Variants in SNX25 observed in about 807,000 individuals in gnomAD.
The protein encoded by SNX25 is sorting nexin-25.
Under a neutral mutation model 113.7 loss-of-function variants are expected in SNX25, and 62 were observed. The observed-to-expected ratio is 0.55, with a 90% CI of 0.44 to 0.67. SNX25 has a LOEUF of 0.67. Among genes scored for constraint, SNX25 ranks in the 30% least tolerant of loss-of-function variants. The pLI is 0.00. For synonymous variants in SNX25, 421 were observed against 436.2 expected (o/e 0.97, Z 0.43); for missense variants, 1,014 against 1,161.0 (o/e 0.87, Z 1.84).
rs570283122 is a variant in SNX25 at position 185,261,379 on chromosome 4, G to A, written c.731+2315G>A. 1.6e-4 allele frequency among the ~76,000 whole-genome samples: 24 copies of A among 152,158 alleles called. No individual in the cohort carries two copies. In the South Asian group the frequency reaches 4.8e-3, roughly 30 times the overall value. The stretch of plus-strand genomic sequence containing the variant: ...TTTAGTAGAGATGGGGTTTCACCAT[G>A]TTGGCCAGGCTGGTCTCGAACTCCT... On this transcript the variant is annotated intron_variant, in intron 3 of 18. Coordinates refer to ENST00000652585, the MANE Select transcript of SNX25 (RefSeq NM_001378034.2).
At chr4:185,292,126 AG>A (rs1752253639) in intron 6 of SNX25, among the ~76,000 whole-genome samples, 1 of 152,186 alleles carries the variant, frequency 6.6e-6, no homozygotes, top group East Asian at 1.9e-4. Flanking sequence ...GTTCAAAGTT[AG>A]AAAAAAACAC....
intron 13 of SNX25, among the ~76,000 whole-genome samples, chr4:185,347,810 C>G (rs1331483633): frequency 6.6e-6 from 1 of 152,170 alleles, no homozygotes; most frequent in Admixed American, 6.5e-5. Context: ...GCTGCTCATC[C>G]TTTCCATAAT....
At chr4:185,260,053 C>T (rs539028860) in intron 3 of SNX25, among the ~76,000 whole-genome samples, 16 of 152,200 alleles carry the variant, frequency 1.1e-4, no homozygotes, top group Admixed American at 7.2e-4. Flanking sequence ...AACTATGGCC[C>T]GCTGTGAGAA....
intron 6 of SNX25, among the ~76,000 whole-genome samples, chr4:185,289,338 C>T (rs149831675): frequency 1.4e-4 from 22 of 152,162 alleles, no homozygotes; most frequent in Non-Finnish European, 2.6e-4. Flanking sequence ...TGCGGGGAGC[C>T]CTGGTAGGGA....
chr4:185,373,183 A>G, downstream of SNX25: 1 of 1,049,164 alleles, frequency 9.5e-7, no homozygotes, highest in African/African-American at 1.6e-5. Flanking sequence ...TAGCACTATT[A>G]ATCATCTCTA....
chr4:185,217,533 A>G (rs3108291), intron 1 of SNX25, among the ~76,000 whole-genome samples: 96,385 of 152,030 alleles, frequency 0.63, 30,775 homozygotes, highest in East Asian at 0.73. Flanking sequence ...TCTACTTGGC[A>G]CCTTCTTAAT....
chr4:185,286,558 T>C (rs1325489449), intron 5 of SNX25, among the ~76,000 whole-genome samples: 1 of 152,212 alleles, frequency 6.6e-6, no homozygotes, highest in East Asian at 1.9e-4. Flanking sequence ...CCTGCTTTCC[T>C]GGAATCCCTA....
At chr4:185,239,431 T>G (rs6822355) in intron 1 of SNX25, among the ~76,000 whole-genome samples, 28 of 152,102 alleles carry the variant, frequency 1.8e-4, no homozygotes, top group Non-Finnish European at 2.8e-4. Flanking sequence ...TGCAGTGAGC[T>G]GAGATCGCAC....
At chr4:185,302,303 A>G (rs1309709874) in intron 6 of SNX25, among the ~76,000 whole-genome samples, 1 of 140,224 alleles carries the variant, frequency 7.1e-6, no homozygotes. Context: ...AAACTCAAAG[A>G]GGGGGCTGTG....
chr4:185,279,499 C>CG (rs1750250802), intron 5 of SNX25, among the ~76,000 whole-genome samples: 1 of 152,080 alleles, frequency 6.6e-6, no homozygotes, highest in Non-Finnish European at 1.5e-5. Context: ...TTTCATAACT[C>CG]TAAGTCCTAA....
At chr4:185,322,923 A>G (rs557256595) in intron 8 of SNX25, among the ~76,000 whole-genome samples, 1 of 152,322 alleles carries the variant, frequency 6.6e-6, no homozygotes. Context: ...TAACATTTCT[A>G]GAGTTAATGT....
At chr4:185,265,395 A>G (rs1280577128) in intron 4 of SNX25, among the ~76,000 whole-genome samples, 3 of 152,226 alleles carry the variant, frequency 2.0e-5, no homozygotes, top group African/African-American at 4.8e-5. Context: ...ACTGTAGGCA[A>G]TAGTAACACA....
At chr4:185,221,200 T>C (rs1331567900) in intron 1 of SNX25, among the ~76,000 whole-genome samples, 1 of 151,978 alleles carries the variant, frequency 6.6e-6, no homozygotes, top group Non-Finnish European at 1.5e-5. Flanking sequence ...ACTCAACTAA[T>C]TTTTGTATTT....
At chr4:185,231,808 T>C (rs1741917688) in intron 1 of SNX25, among the ~76,000 whole-genome samples, 1 of 152,170 alleles carries the variant, frequency 6.6e-6, no homozygotes, top group Admixed American at 6.5e-5. Context: ...ATGATCTAGA[T>C]CTGGGCTGGA....
downstream of SNX25, among the ~76,000 whole-genome samples, chr4:185,367,624 T>C (rs1041507571): frequency 2.6e-5 from 4 of 152,234 alleles, no homozygotes; most frequent in Non-Finnish European, 5.9e-5. Flanking sequence ...TATTTTAAAA[T>C]ATACAGCTAA....
chr4:185,345,225 C>CA (rs924390944), intron 12 of SNX25, among the ~76,000 whole-genome samples: 4 of 152,144 alleles, frequency 2.6e-5, no homozygotes, highest in African/African-American at 9.7e-5. Context: ...CCCTTTCCTA[C>CA]GGTGTGAGTT....
chr4:185,372,991 A>G (rs757974718), downstream of SNX25: 12 of 1,614,002 alleles, frequency 7.4e-6, no homozygotes, highest in South Asian at 1.1e-5. Context: ...ATCCTGCCGG[A>G]TGCCTTGTCC....
chr4:185,260,759 C>T (rs1054606449), intron 3 of SNX25, among the ~76,000 whole-genome samples: 2 of 152,174 alleles, frequency 1.3e-5, no homozygotes, highest in Non-Finnish European at 2.9e-5. Context: ...AGATGCCCTA[C>T]AAGGATCTTG....
chr4:185,322,580 CT>C (rs2095129055), intron 8 of SNX25, among the ~76,000 whole-genome samples: 1 of 152,142 alleles, frequency 6.6e-6, no homozygotes, highest in South Asian at 2.1e-4. Context: ...GTCTTTAAAT[CT>C]TTTATTGTTA....
Sources: gnomAD v4.1 joint callset for allele counts (sites outside exome capture counted in the v4.1 genomes callset) on GRCh38, gnomAD v4.1.1 for gene constraint, MANE v1.5 for transcripts, NCBI Gene and HGNC (gene_info 2026-07-23, HGNC 2026-07-21) for gene names.